Variants in NIPAL3 observed in about 807,000 individuals in gnomAD.
NIPAL3 encodes the protein NIPA like domain containing 3.
Under a neutral mutation model 47.2 loss-of-function variants are expected in NIPAL3, and 41 were observed. That is an observed-to-expected ratio of 0.87 (90% CI 0.68 to 1.13). NIPAL3 has a LOEUF of 1.13. NIPAL3 is among the 50% of genes most tolerant of loss of function. NIPAL3 has a pLI of 0.00. For missense variants in NIPAL3, 449 were observed against 530.1 expected, an observed-to-expected ratio of 0.85 and a Z score of 1.50; for synonymous variants, 194 against 209.6, an observed-to-expected ratio of 0.93 and a Z score of 0.64.
intron 2 of NIPAL3, among the ~76,000 whole-genome samples, chr1:24,428,258 A>AAGAAGAGAGAGAGAGAG (rs902856911): frequency 8.4e-6 from 1 of 119,478 alleles, no homozygotes; most frequent in African/African-American, 2.9e-5. Flanking sequence ...CTCAAAAAGA[A>AAGAAGAGAGAGAGAGAG]AGAGAGAGAG....
At chr1:24,423,343 T>C (rs997540098) in intron 2 of NIPAL3, among the ~76,000 whole-genome samples, 1 of 152,216 alleles carries the variant, frequency 6.6e-6, no homozygotes, top group African/African-American at 2.4e-5. Context: ...AGAAGATTTT[T>C]GTTGCTTACA....
At position 24,442,098 on chromosome 1, in the gene NIPAL3, C is replaced by T. The variant is rs751563550; in HGVS notation, c.206C>T (p.Ala69Val). Residue 69 changes from alanine to valine, a missense_variant, in exon 4 of 12, where the codon GCC becomes GTC. Transcript: ENST00000374399. The stretch of plus-strand genomic sequence containing the variant: ...CTGGCAGGCTCCAAGGATCCCCGGG[C>T]CTATTTCAAGACCAAGACATGGTGG... ...IRLAGSKDPRAYFKTKTWWLG... is the reference protein window; with the variant it reads ...IRLAGSKDPRVYFKTKTWWLG... 6 of 1,614,102 alleles carry T rather than the reference C, an allele frequency of 3.7e-6. No homozygotes were observed. In the South Asian group the frequency reaches 6.6e-5, roughly 18 times the overall value.
chr1:24,426,959 A>G (rs1644618401), intron 2 of NIPAL3, among the ~76,000 whole-genome samples: 4 of 152,210 alleles, frequency 2.6e-5, no homozygotes, highest in African/African-American at 9.6e-5. Context: ...TGCTTAAGGG[A>G]CAAAGTCACT....
chr1:24,452,718 G>A (rs1281685704), intron 6 of NIPAL3, among the ~76,000 whole-genome samples: 1 of 151,910 alleles, frequency 6.6e-6, no homozygotes, highest in Non-Finnish European at 1.5e-5. Flanking sequence ...CTTTATTTAT[G>A]TATTTATTTA....
At chr1:24,457,611 G>A in intron 8 of NIPAL3, 1 of 390,580 alleles carries the variant, frequency 2.6e-6, no homozygotes, top group Non-Finnish European at 5.1e-6. Context: ...TCCCCATTTT[G>A]CATACGAGGA....
chr1:24,428,801 G>A (rs761089526), intron 2 of NIPAL3, among the ~76,000 whole-genome samples: 6 of 152,134 alleles, frequency 3.9e-5, no homozygotes, highest in Non-Finnish European at 7.3e-5. Context: ...GGCCTCCAAT[G>A]TTTTTGCTGC....
At chr1:24,443,805 T>A (rs1645516677) in intron 4 of NIPAL3, among the ~76,000 whole-genome samples, 1 of 152,220 alleles carries the variant, frequency 6.6e-6, no homozygotes, top group African/African-American at 2.4e-5. Context: ...CCTTTCCCTG[T>A]TGTCTTACTT....
chr1:24,422,894 AT>A (rs1445648370), intron 2 of NIPAL3, among the ~76,000 whole-genome samples: 1 of 152,248 alleles, frequency 6.6e-6, no homozygotes, highest in African/African-American at 2.4e-5. Context: ...GACATATGGT[AT>A]GCATACAGAA....
chr1:24,416,243 G>A lies in NIPAL3; in HGVS notation c.-258+339G>A, dbSNP rs1313619135. ...TGGTGGAGTTAGCAGGTGGGATGAG[G>A]GGAGGCGTTCTTGGTCTAAGCCCGC... On this transcript the variant is annotated intron_variant, in intron 1 of 11. Coordinates refer to ENST00000374399, the MANE Select transcript of NIPAL3 (RefSeq NM_020448.5). This position sits in a 1 kb window ranked among gnomAD's most constrained non-coding sequence, Gnocchi z 4.8. 4.1e-6 allele frequency: 4 copies of A among 985,414 alleles called. No homozygotes were observed. The Admixed American group carries it at 2.5e-4, about 61-fold the overall frequency. The allele number at this position is 985,414 out of a possible 1,614,324, so 61.0% of individuals were successfully genotyped here.
chr1:24,426,808 G>A lies in NIPAL3; in HGVS notation c.93+7168G>A, dbSNP rs74060346. On this transcript the variant is annotated intron_variant, in intron 2 of 11. Coordinates refer to ENST00000374399, the MANE Select transcript of NIPAL3 (RefSeq NM_020448.5). ...CAATTCTACTCTGCCTTGTCAACTC[G>A]AGAAAAGTTGGGAACCTGATTGGGT... Among the ~76,000 whole-genome samples, 503 of 152,170 alleles carry A rather than the reference G, an allele frequency of 3.3e-3. 6 individuals are homozygous for A. The highest frequency in any genetic ancestry group is 0.012 in the African/African-American group (481 of 41,504).
At chr1:24,417,195 C>T (rs1644094046) in intron 1 of NIPAL3, among the ~76,000 whole-genome samples, 1 of 152,144 alleles carries the variant, frequency 6.6e-6, no homozygotes, top group East Asian at 1.9e-4. Context: ...CTGTCAGGCT[C>T]TGGGCTAGAT....
chr1:24,452,853 A>ATTTTTTTTTTT (rs3054551), intron 6 of NIPAL3, among the ~76,000 whole-genome samples: 76 of 124,158 alleles, frequency 6.1e-4, no homozygotes, highest in African/African-American at 1.8e-3. Flanking sequence ...CGCCCAGCTA[A>ATTTTTTTTTTT]TTTTTTTTTT....
intron 2 of NIPAL3, among the ~76,000 whole-genome samples, chr1:24,439,526 G>A (rs1221045539): frequency 1.3e-5 from 2 of 151,860 alleles, no homozygotes; most frequent in African/African-American, 2.4e-5. Context: ...CTATTATGGT[G>A]GTGTTGTTAT....
At chr1:24,446,248 T>C (rs1420467399) in intron 5 of NIPAL3, among the ~76,000 whole-genome samples, 1 of 152,194 alleles carries the variant, frequency 6.6e-6, no homozygotes, top group Non-Finnish European at 1.5e-5. Context: ...TCAGACTCTC[T>C]GAGGAGGTGA....
At chr1:24,415,776 A>G, upstream of NIPAL3, 2 of 944,152 alleles carry the variant, frequency 2.1e-6, no homozygotes, top group Non-Finnish European at 2.5e-6. Flanking sequence ...TTTGAAAGCA[A>G]AACACTGCAG....
In NIPAL3 at chr1:24,458,961, A is replaced by C. The variant is rs1243063156; in HGVS notation, c.847A>C (p.Ile283Leu). The change falls in exon 9 of 12, where the codon ATT becomes CTT. Residue 283 changes from isoleucine to leucine, a missense_variant. Physicochemically the swap from Ile to Leu is conservative, Grantham distance 5. Transcript: ENST00000374399. ...ASVGYILSTTIAITAGAIFYL... is the reference protein window; with the variant it reads ...ASVGYILSTTLAITAGAIFYL... The stretch of plus-strand genomic sequence containing the variant: ...TGTGGGCTACATTCTGTCCACAACC[A>C]TTGCTATCACAGCAGGTAAGGGTGA... The C allele has an allele frequency of 1.9e-6, 3 of 1,613,864 alleles. No homozygotes were observed. The highest frequency in any genetic ancestry group is 2.5e-6 in the Non-Finnish European group (3 of 1,179,814).
In NIPAL3 at chr1:24,449,049, C is replaced by T. The variant is rs912006120; in HGVS notation, c.395-432C>T. 2.6e-5 allele frequency among the ~76,000 whole-genome samples: 4 copies of T among 152,192 alleles called. No individual in the cohort carries two copies. Among genetic ancestry groups the T allele is most frequent in the Non-Finnish European group, 4.4e-5 (3 of 68,040 alleles). On this transcript the variant is annotated intron_variant, in intron 5 of 11. Coordinates refer to ENST00000374399, the MANE Select transcript of NIPAL3 (RefSeq NM_020448.5). The surrounding 1 kb of genome is among the most constrained non-coding windows in gnomAD (Gnocchi z 4.5). Reference sequence around the variant, plus strand: ...CATGCTGAGTCAAAAGAGATCACACCGTATGGGTCCATTTGTATAAAGCAC... The same window carrying T: ...CATGCTGAGTCAAAAGAGATCACACTGTATGGGTCCATTTGTATAAAGCAC...
intron 2 of NIPAL3, among the ~76,000 whole-genome samples, chr1:24,436,364 T>C (rs963294619): frequency 6.6e-6 from 1 of 151,980 alleles, no homozygotes; most frequent in Admixed American, 6.6e-5. Flanking sequence ...CGCCTACAAG[T>C]TTGGGATGTA....
intron 3 of NIPAL3, among the ~76,000 whole-genome samples, chr1:24,441,128 C>T (rs7529746): frequency 0.11 from 16,461 of 152,150 alleles, 912 homozygotes; most frequent in African/African-American, 0.13. Flanking sequence ...GCACACTGGC[C>T]GGCTTCACTC....
Sources: gnomAD v4.1 joint callset for allele counts (sites outside exome capture counted in the v4.1 genomes callset) on GRCh38, gnomAD v4.1.1 for gene constraint, Gnocchi (gnomAD v3.1) non-coding constraint, MANE v1.5 for transcripts, NCBI Gene and HGNC (gene_info 2026-07-23, HGNC 2026-07-21) for gene names.